The following USH2A variants were observed in gnomAD, a reference collection of about 807,000 sequenced individuals.
USH2A encodes the protein usherin, also known as Usher syndrome 2A (autosomal recessive, mild).
Under a neutral mutation model 538.9 loss-of-function variants are expected in USH2A, and 443 were observed. The ratio of observed to expected loss-of-function variants is 0.82; its 90% CI spans 0.76 to 0.89. The LOEUF (loss-of-function observed/expected upper bound fraction) is 0.89. Ranked by LOEUF, USH2A falls within the 40% of genes least tolerant of loss-of-function variation. The pLI, the probability that USH2A is intolerant of heterozygous loss-of-function variation, is 0.00. For synonymous variants in USH2A, 2,413 were observed against 2,273.5 expected (o/e 1.06, Z -1.75); for missense variants, 6,633 against 6,324.8 (o/e 1.05, Z -1.65).
At chr1:216,054,851 T>C (rs1253722888) in intron 30 of USH2A, among the ~76,000 whole-genome samples, 2 of 152,204 alleles carry the variant, frequency 1.3e-5, no homozygotes, top group African/African-American at 2.4e-5. Flanking sequence ...CAGCTTTTAA[T>C]TCAATTAAAG....
intron 61 of USH2A, among the ~76,000 whole-genome samples, chr1:215,710,696 T>C (rs959519385): frequency 5.3e-5 from 8 of 152,148 alleles, no homozygotes; most frequent in African/African-American, 1.9e-4. Flanking sequence ...CTGAAACAAA[T>C]ATTGACTTTT....
chr1:216,132,240 T>A (rs2102603289), intron 21 of USH2A, among the ~76,000 whole-genome samples: 3 of 152,240 alleles, frequency 2.0e-5, no homozygotes, highest in Admixed American at 2.0e-4. Context: ...ATAAAATAAA[T>A]TTTACTTTTC....
intron 22 of USH2A, among the ~76,000 whole-genome samples, chr1:216,089,534 C>A (rs1292818733): frequency 6.6e-6 from 1 of 152,020 alleles, no homozygotes; most frequent in Non-Finnish European, 1.5e-5. Flanking sequence ...AAATACCACT[C>A]AAAATGAGTT....
In USH2A at chr1:215,626,002, G is replaced by C. The variant is rs151119456; in HGVS notation, c.15520-132C>G. ...CTTTTTTATTCTCAACACCATGGTG[G>C]GGTCTAAAACAGACCTTGCCTTAAA... On this transcript the variant is annotated intron_variant, in intron 71 of 71. Transcript: ENST00000307340. The C allele has an allele frequency of 1.7e-3, 1,535 of 881,056 alleles. 21 individuals carry two copies. In the Admixed American group the frequency reaches 0.02, roughly 12 times the overall value. The allele number at this position is 881,056 out of a possible 1,614,324, so 54.6% of individuals were successfully genotyped here.
intron 9 of USH2A, among the ~76,000 whole-genome samples, chr1:216,305,321 A>G (rs1285546457): frequency 1.3e-5 from 2 of 152,130 alleles, no homozygotes; most frequent in African/African-American, 4.8e-5. Context: ...CTGATATAAG[A>G]ATAGCTACTG....
chr1:216,291,264 G>A (rs574396300), intron 10 of USH2A, among the ~76,000 whole-genome samples: 22 of 151,980 alleles, frequency 1.4e-4, no homozygotes, highest in Non-Finnish European at 2.4e-4. Flanking sequence ...TTTTTCAAAC[G>A]TGTCATTTTT....
chr1:216,113,150 A>C (rs1429544458), intron 21 of USH2A, among the ~76,000 whole-genome samples: 5 of 150,212 alleles, frequency 3.3e-5, no homozygotes, highest in African/African-American at 7.5e-5. Context: ...AAAAAAAAAA[A>C]AAAAAACAAA....
chr1:216,088,543 G>A (rs1459544041), intron 23 of USH2A, among the ~76,000 whole-genome samples: 1 of 152,140 alleles, frequency 6.6e-6, no homozygotes, highest in African/African-American at 2.4e-5. Flanking sequence ...GTGGCAGATA[G>A]GGTAGGCTGG....
At chr1:215,649,471 A>G (rs536796632) in intron 65 of USH2A, among the ~76,000 whole-genome samples, 1 of 152,374 alleles carries the variant, frequency 6.6e-6, no homozygotes, top group East Asian at 1.9e-4. Flanking sequence ...GATTAAGAAG[A>G]GCTGTTAAAA....
chr1:215,983,250 C>T (rs1667793625), intron 35 of USH2A, among the ~76,000 whole-genome samples: 1 of 152,176 alleles, frequency 6.6e-6, no homozygotes, highest in African/African-American at 2.4e-5. Context: ...GCTTGAGCCA[C>T]CACGCCTGGC....
chr1:216,100,283 A>C (rs2102575781), intron 21 of USH2A, among the ~76,000 whole-genome samples: 1 of 152,320 alleles, frequency 6.6e-6, no homozygotes, highest in African/African-American at 2.4e-5. Flanking sequence ...AATTAGAAAA[A>C]TCTGATAGAG....
At chr1:216,104,105 T>G (rs151263310) in intron 21 of USH2A, among the ~76,000 whole-genome samples, 1 of 152,086 alleles carries the variant, frequency 6.6e-6, no homozygotes, top group African/African-American at 2.4e-5. Context: ...TTAGGGTACA[T>G]GTGCACAACG....
At chr1:216,365,946 A>G (rs1246075679) in intron 3 of USH2A, among the ~76,000 whole-genome samples, 1 of 152,208 alleles carries the variant, frequency 6.6e-6, no homozygotes, top group Non-Finnish European at 1.5e-5. Context: ...ATTTTTGTTT[A>G]TGCGACTGGA....
intron 55 of USH2A, among the ~76,000 whole-genome samples, chr1:215,773,271 T>A (rs1250747461): frequency 1.3e-5 from 2 of 152,094 alleles, no homozygotes; most frequent in African/African-American, 4.8e-5. Context: ...CCACTTGTAC[T>A]GTAAGGCTCA....
chr1:215,877,449 T>C (rs527796760), intron 43 of USH2A, among the ~76,000 whole-genome samples: 7 of 152,318 alleles, frequency 4.6e-5, no homozygotes, highest in African/African-American at 1.7e-4. Context: ...TTTGTATGTG[T>C]TCAATATTTC....
chr1:215,993,743 T>G (rs79120962), intron 34 of USH2A, among the ~76,000 whole-genome samples: 6,147 of 152,190 alleles, frequency 0.04, 408 homozygotes, highest in African/African-American at 0.14. Flanking sequence ...CAAAGCAATT[T>G]TTGAGTGAAT....
At chr1:216,099,820 T>A (rs1448832562) in intron 21 of USH2A, among the ~76,000 whole-genome samples, 1 of 152,174 alleles carries the variant, frequency 6.6e-6, no homozygotes, top group Non-Finnish European at 1.5e-5. Flanking sequence ...TTAGGAATTA[T>A]CTTTAGTTTT....
At chr1:215,686,590 A>G (rs1294663581) in intron 61 of USH2A, among the ~76,000 whole-genome samples, 1 of 152,128 alleles carries the variant, frequency 6.6e-6, no homozygotes, top group Non-Finnish European at 1.5e-5. Flanking sequence ...GGAAACAATA[A>G]GTAACATTAG....
At chr1:215,836,468 ATATATATATATAATATATAT>A (rs1172056038) in intron 47 of USH2A, among the ~76,000 whole-genome samples, 7 of 13,542 alleles carry the variant, frequency 5.2e-4, no homozygotes, top group African/African-American at 7.5e-4. Context: ...TATATATTAT[ATATATATATATAATATATAT>A]TATATATATA....
Sources: allele counts gnomAD v4.1 joint callset (sites outside exome capture counted in the v4.1 genomes callset), GRCh38; gene constraint gnomAD v4.1.1; transcripts MANE v1.5; gene names NCBI Gene and HGNC (gene_info 2026-07-23, HGNC 2026-07-21).